Variants in DST observed in about 807,000 individuals in gnomAD.
DST encodes bullous pemphigoid antigen.
DST carries 253 observed loss-of-function variants against 875.2 expected under a neutral mutation model. The ratio of observed to expected loss-of-function variants is 0.29; its 90% CI spans 0.26 to 0.32. DST has a LOEUF of 0.32. DST is among the 10% of genes least tolerant of loss of function. DST has a pLI of 1.00. For missense variants in DST, 8,287 were observed against 9,111.6 expected, an observed-to-expected ratio of 0.91 and a Z score of 3.68; for synonymous variants, 3,124 against 3,197.1, an observed-to-expected ratio of 0.98 and a Z score of 0.77.
intron 2 of DST, among the ~76,000 whole-genome samples, chr6:56,906,821 T>C (rs1356440328): frequency 6.6e-6 from 1 of 152,098 alleles, no homozygotes; most frequent in Non-Finnish European, 1.5e-5. Context: ...GAACCCCGGG[T>C]ATTTACCCCA....
intron 4 of DST, among the ~76,000 whole-genome samples, chr6:56,753,108 A>C (rs1367586213): frequency 6.6e-6 from 1 of 152,056 alleles, no homozygotes; most frequent in Non-Finnish European, 1.5e-5. Flanking sequence ...TATCTGTTTC[A>C]TCTCTTTGAT....
At position 56,630,253 on chromosome 6, in the gene DST, T is replaced by C; in HGVS notation, c.4273A>G (p.Thr1425Ala). Residue 1425 changes from threonine (T) to alanine (A), a missense_variant, in exon 31 of 104, where the codon ACT becomes GCT. Coordinates refer to ENST00000680361, the MANE Select transcript of DST (RefSeq NM_001374736.1). ...AAAAGTGAGTCTCATACCTTTAAAG[T>C]ACTTATTAGATTCTCAATATTATTC... The part of the protein sequence containing the change: ...DKNNIENLIS[T>A]LKQWRSEVDE... 6.3e-7 allele frequency: 1 copy of C among 1,591,240 alleles called. No individual in the cohort carries two copies. The highest frequency in any genetic ancestry group is 8.6e-7 in the Non-Finnish European group (1 of 1,161,404).
chr6:56,592,682 A>G lies in DST; in HGVS notation c.12727-324T>C, dbSNP rs1280197660. 3.9e-5 allele frequency among the ~76,000 whole-genome samples: 6 copies of G among 152,334 alleles called. 1 individual carries two copies. The highest frequency in any genetic ancestry group is 1.4e-4 in the African/African-American group (6 of 41,576). On this transcript the variant is annotated intron_variant, in intron 48 of 103. Coordinates refer to ENST00000680361, the MANE Select transcript of DST (RefSeq NM_001374736.1). ...GGAGATTTTGATACACCATGTGTAT[A>G]GATATCGATTTGATGGAAGGGTTTT... is the stretch of plus-strand genomic sequence containing the variant.
chr6:56,635,208 T>C (rs184639706), intron 24 of DST, among the ~76,000 whole-genome samples: 1 of 152,242 alleles, frequency 6.6e-6, no homozygotes, highest in African/African-American at 2.4e-5. Context: ...GTTTATTGTC[T>C]AACTCCCTCT....
chr6:56,618,737 A>G, intron 36 of DST: 1 of 1,614,060 alleles, frequency 6.2e-7, no homozygotes, highest in African/African-American at 1.3e-5. Context: ...TTCAGTGATG[A>G]CTTTGGACTC....
At chr6:56,695,357 A>G (rs1210064440) in intron 9 of DST, among the ~76,000 whole-genome samples, 3 of 152,046 alleles carry the variant, frequency 2.0e-5, no homozygotes, top group Admixed American at 1.3e-4. Context: ...TGTTCTTTAT[A>G]AACTACTCAG....
intron 45 of DST, 21 bp downstream of exon 45, chr6:56,600,048 T>C (rs1283804676): frequency 2.5e-6 from 4 of 1,606,196 alleles, no homozygotes; most frequent in African/African-American, 2.7e-5. Flanking sequence ...ATAGATCTGC[T>C]GATAGAAAAC....
At chr6:56,645,379 G>C (rs961899846) in intron 15 of DST, among the ~76,000 whole-genome samples, 4 of 152,202 alleles carry the variant, frequency 2.6e-5, no homozygotes, top group Non-Finnish European at 5.9e-5. Context: ...TCCACTTGTA[G>C]AAGCGTGGCA....
chr6:56,615,748 C>G, intron 36 of DST: 1 of 1,614,156 alleles, frequency 6.2e-7, no homozygotes, highest in East Asian at 2.2e-5. Flanking sequence ...CTATTGATAA[C>G]CGAGAGTGAA....
At chr6:56,889,163 T>A (rs535142000) in intron 3 of DST, among the ~76,000 whole-genome samples, 26 of 152,340 alleles carry the variant, frequency 1.7e-4, no homozygotes, top group African/African-American at 6.3e-4. Context: ...TCTATCAAAT[T>A]CATTTTCGGA....
chr6:56,640,644 G>A, intron 17 of DST, 39 bp from the exon 18 acceptor site: 1 of 1,477,496 alleles, frequency 6.8e-7, no homozygotes, highest in Non-Finnish European at 9.4e-7. Context: ...GAAATATAAA[G>A]GCACTTGTAA....
chr6:56,623,588 T>C (rs936473495), intron 36 of DST, among the ~76,000 whole-genome samples: 1 of 152,194 alleles, frequency 6.6e-6, no homozygotes, highest in Non-Finnish European at 1.5e-5. Context: ...ACTGAGAAAG[T>C]AACATCCAAT....
intron 2 of DST, among the ~76,000 whole-genome samples, chr6:56,936,807 C>T (rs1009187283): frequency 1.3e-5 from 2 of 151,836 alleles, no homozygotes; most frequent in Admixed American, 1.3e-4. Flanking sequence ...GGCCAACAAA[C>T]TAGATAACTT....
chr6:56,660,098 G>C (rs138859195), intron 10 of DST, among the ~76,000 whole-genome samples: 1 of 152,340 alleles, frequency 6.6e-6, no homozygotes, highest in East Asian at 1.9e-4. Context: ...GTGAGGAAGA[G>C]AAGGGTTAAT....
At chr6:56,515,300 C>T (rs2096567873) in intron 72 of DST, 150 bp downstream of exon 72, 1 of 814,926 alleles carries the variant, frequency 1.2e-6, no homozygotes, top group Admixed American at 2.9e-5. Flanking sequence ...GTATAAGAAG[C>T]AATTATGAGG....
rs773291374 is a variant in DST at position 56,532,423 on chromosome 6, C to G, written c.17029G>C (p.Ala5677Pro). The change falls in exon 64 of 104, where the codon GCA (alanine) becomes CCA (proline). Residue 5677 changes from alanine to proline, a missense_variant. Transcript: ENST00000680361. ...GEKIATTAEPADKVKILKQLS... is the reference protein window; with the variant it reads ...GEKIATTAEPPDKVKILKQLS... Reference sequence around the variant, plus strand: ...TGTTTCAAAATCTTCACTTTATCTGCGGGCTCTGCTGTTGTAGCAATTTTT... The same window carrying G: ...TGTTTCAAAATCTTCACTTTATCTGGGGGCTCTGCTGTTGTAGCAATTTTT... 1 of 1,613,402 alleles carries G rather than the reference C, an allele frequency of 6.2e-7. No homozygotes were observed. Among genetic ancestry groups the G allele is most frequent in the Non-Finnish European group, 8.5e-7 (1 of 1,179,628 alleles).
Position 56,639,020 on chromosome 6 carries a change from C to T in DST, c.2964+239G>A, listed in dbSNP as rs955248887. The T allele has an allele frequency of 8.8e-6, 5 of 567,098 alleles. No homozygotes were observed. The Admixed American group carries it at 9.2e-5, about 10-fold the overall frequency. The allele number at this position is 567,098 out of a possible 1,614,324, so 35.1% of individuals were successfully genotyped here. ...ACACAGAGAAGGTACTTCATATTTA[C>T]AGCAATACATCTTCTCAGCCACAGA... On this transcript the variant is annotated intron_variant, in intron 22 of 103. Coordinates refer to ENST00000680361, the MANE Select transcript of DST (RefSeq NM_001374736.1).
In DST at chr6:56,482,063, A is replaced by G. The variant is rs200299941; in HGVS notation, c.21518T>C (p.Ile7173Thr). 3.9e-5 allele frequency: 63 copies of G among 1,613,642 alleles called. No homozygotes were observed. Among genetic ancestry groups the G allele is most frequent in the South Asian group, 3.2e-4 (29 of 91,030 alleles). Reference sequence around the variant, plus strand: ...TATATTACTCACTTTATGCTGATCAATGAGAGTCCGGAGAGCATCCTCATC... The same window carrying G: ...TATATTACTCACTTTATGCTGATCAGTGAGAGTCCGGAGAGCATCCTCATC... ...PDDEDALRTL[I>T]DQHKEFMKKL... Residue 7173 changes from isoleucine (I) to threonine (T), a missense_variant, in exon 90 of 104, where the codon ATT becomes ACT. By Grantham distance (89) the Ile-to-Thr change is moderately conservative. This residue lies in a region of DST where 1,292 missense variants were observed against 1,552.7 expected (regional missense o/e 0.83). Transcript: ENST00000680361.
chr6:56,891,484 G>A (rs996745154), intron 3 of DST, among the ~76,000 whole-genome samples: 8 of 151,428 alleles, frequency 5.3e-5, no homozygotes, highest in East Asian at 2.0e-4. Flanking sequence ...GGAGAATGGC[G>A]TGAACCGGGA....
Sources: gnomAD v4.1 joint callset for allele counts (sites outside exome capture counted in the v4.1 genomes callset) on GRCh38, gnomAD v4.1.1 for gene constraint, gnomAD v4.1.1 regional missense constraint, MANE v1.5 for transcripts, NCBI Gene and HGNC (gene_info 2026-07-23, HGNC 2026-07-21) for gene names.